CCDC178: variants seen among roughly 807,000 people sequenced by gnomAD.
CCDC178 encodes coiled-coil domain-containing protein 178.
CCDC178 carries 126 observed loss-of-function variants against 117.4 expected under a neutral mutation model. The observed-to-expected ratio is 1.07, with a 90% CI of 0.93 to 1.24. The LOEUF (loss-of-function observed/expected upper bound fraction) is 1.24, where lower values mean the gene tolerates loss of function less well. Ranked by LOEUF, CCDC178 falls within the 50% of genes most tolerant of loss-of-function variation. The pLI is 0.00. For missense variants in CCDC178, 1,030 were observed against 986.9 expected, an observed-to-expected ratio of 1.04 and a Z score of -0.59; for synonymous variants, 283 against 313.4, an observed-to-expected ratio of 0.90 and a Z score of 1.02.
At chr18:33,263,531 A>G (rs910632010) in intron 14 of CCDC178, among the ~76,000 whole-genome samples, 1 of 152,160 alleles carries the variant, frequency 6.6e-6, no homozygotes, top group Non-Finnish European at 1.5e-5. Flanking sequence ...ATCAAAACTC[A>G]TAATTAGTTA....
At chr18:33,260,311 C>G (rs1417580851) in intron 14 of CCDC178, among the ~76,000 whole-genome samples, 1 of 152,058 alleles carries the variant, frequency 6.6e-6, no homozygotes, top group Non-Finnish European at 1.5e-5. Flanking sequence ...TATGTTATAT[C>G]TTACCTATTC....
intron 20 of CCDC178, among the ~76,000 whole-genome samples, chr18:33,179,095 A>ATATATAAAAAC (rs1555656290): frequency 9.0e-6 from 1 of 111,690 alleles, no homozygotes; most frequent in Non-Finnish European, 1.7e-5. Context: ...ATATATATAT[A>ATATATAAAAAC]TATATATATA....
In CCDC178 at chr18:33,227,287, C is replaced by CT. The variant is rs776291370; in HGVS notation, c.1594-433dup. Reference sequence around the variant, plus strand: ...ACTCTCCATTTAGCTAGAACAATTCCTTTTTTTTTTTTTTAAATCATACCT... The same window carrying CT: ...ACTCTCCATTTAGCTAGAACAATTCCTTTTTTTTTTTTTTTAAATCATACCT... On this transcript the variant is annotated intron_variant, in intron 15 of 22. Transcript: ENST00000383096. Among the ~76,000 whole-genome samples the CT allele has an allele frequency of 5.3e-3, 731 of 138,790 alleles. 3 individuals are homozygous for CT. The highest frequency in any genetic ancestry group is 5.4e-3 in the African/African-American group (205 of 38,056). 91.1% of individuals were successfully genotyped at this position (138,790 alleles called of 152,430 possible).
At chr18:33,118,969 A>G (rs1358030666) in intron 20 of CCDC178, among the ~76,000 whole-genome samples, 3 of 152,336 alleles carry the variant, frequency 2.0e-5, no homozygotes, top group Admixed American at 6.5e-5. Context: ...TGATGCTGGG[A>G]AAACTGGCTA....
chr18:33,228,827 G>A (rs548172351), intron 15 of CCDC178, among the ~76,000 whole-genome samples: 22 of 152,214 alleles, frequency 1.4e-4, no homozygotes, highest in Middle Eastern at 3.4e-3. Context: ...CCTATGAGAC[G>A]GTCCTCTTTA....
chr18:33,086,808 G>C (rs2057385633), intron 21 of CCDC178, among the ~76,000 whole-genome samples: 1 of 151,674 alleles, frequency 6.6e-6, no homozygotes, highest in Non-Finnish European at 1.5e-5. Context: ...GGAGAATTTT[G>C]GTGTGTGTGA....
intron 12 of CCDC178, among the ~76,000 whole-genome samples, chr18:33,278,900 C>G (rs1325447822): frequency 6.6e-6 from 1 of 152,122 alleles, no homozygotes; most frequent in Non-Finnish European, 1.5e-5. Flanking sequence ...TGACAAAATT[C>G]AACAACGTTC....
At chr18:33,153,698 GA>G (rs2058363422) in intron 20 of CCDC178, among the ~76,000 whole-genome samples, 3 of 151,870 alleles carry the variant, frequency 2.0e-5, no homozygotes, top group African/African-American at 7.2e-5. Context: ...AAAAATACAA[GA>G]ATTAGAAACA....
At chr18:33,134,119 A>G (rs1203382027) in intron 20 of CCDC178, among the ~76,000 whole-genome samples, 7 of 151,974 alleles carry the variant, frequency 4.6e-5, no homozygotes, top group Non-Finnish European at 7.4e-5. Context: ...TTTGCACCTG[A>G]GCGGTAAGTT....
At chr18:33,340,105 G>A (rs1450992610) in intron 9 of CCDC178, among the ~76,000 whole-genome samples, 2 of 152,244 alleles carry the variant, frequency 1.3e-5, no homozygotes, top group South Asian at 2.1e-4. Flanking sequence ...AATGCTGATA[G>A]TGATATTAAC....
intron 20 of CCDC178, among the ~76,000 whole-genome samples, chr18:33,120,514 G>A (rs889350370): frequency 5.9e-5 from 9 of 152,096 alleles, no homozygotes; most frequent in Non-Finnish European, 1.5e-5. Flanking sequence ...TTAATGGATT[G>A]TACATTAACA....
intron 2 of CCDC178, among the ~76,000 whole-genome samples, chr18:33,431,842 T>C (rs1251919896): frequency 1.3e-5 from 2 of 152,256 alleles, no homozygotes; most frequent in African/African-American, 2.4e-5. Context: ...TAGTTTTTTG[T>C]CTAAAGGTTT....
intron 20 of CCDC178, among the ~76,000 whole-genome samples, chr18:33,137,240 G>A (rs1267352124): frequency 6.6e-6 from 1 of 152,130 alleles, no homozygotes. Flanking sequence ...CATTCATTAA[G>A]CATCTATTAT....
chr18:33,073,132 C>A (rs1008486689), intron 21 of CCDC178, among the ~76,000 whole-genome samples: 2 of 151,212 alleles, frequency 1.3e-5, no homozygotes, highest in Admixed American at 1.3e-4. Context: ...AATGGCTTTA[C>A]ATTTTTATAT....
At chr18:32,995,333 A>T (rs2055479821) in intron 21 of CCDC178, among the ~76,000 whole-genome samples, 1 of 152,164 alleles carries the variant, frequency 6.6e-6, no homozygotes, top group African/African-American at 2.4e-5. Context: ...TTAGTCCTGG[A>T]TGTGATTCCT....
intron 20 of CCDC178, among the ~76,000 whole-genome samples, chr18:33,179,370 C>T (rs972161957): frequency 6.6e-5 from 10 of 151,110 alleles, no homozygotes; most frequent in Non-Finnish European, 1.3e-4. Context: ...AGAGTAATTT[C>T]AGTAAATACT....
In CCDC178 at chr18:32,991,818, G is replaced by T. The variant is rs191156072; in HGVS notation, c.2389-17137C>A. The stretch of plus-strand genomic sequence containing the variant: ...CCCTGCATGAGCTAGTCTAAATAAA[G>T]AATTTCTATTTCATATTTTAATGCT... On this transcript the variant is annotated intron_variant, in intron 21 of 22. Coordinates refer to ENST00000383096, the MANE Select transcript of CCDC178 (RefSeq NM_001105528.4). 2.2e-3 allele frequency among the ~76,000 whole-genome samples: 335 copies of T among 152,176 alleles called. 2 individuals carry two copies. Among genetic ancestry groups the T allele is most frequent in the Non-Finnish European group, 3.4e-3 (229 of 67,990 alleles).
intron 11 of CCDC178, among the ~76,000 whole-genome samples, chr18:33,295,385 C>T: frequency 6.6e-6 from 1 of 151,844 alleles, no homozygotes; most frequent in East Asian, 1.9e-4. Context: ...AGGATTAGGG[C>T]AAGATTTCTT....
chr18:33,389,994 GTA>G (rs72346999), intron 4 of CCDC178, among the ~76,000 whole-genome samples: 2,406 of 147,542 alleles, frequency 0.016, 60 homozygotes, highest in African/African-American at 0.055. Flanking sequence ...ATGTGTATGT[GTA>G]TATATATATA....
Sources: gnomAD v4.1 joint callset for allele counts (sites outside exome capture counted in the v4.1 genomes callset) on GRCh38, gnomAD v4.1.1 for gene constraint, MANE v1.5 for transcripts, NCBI Gene and HGNC (gene_info 2026-07-23, HGNC 2026-07-21) for gene names.